Variants in AMN1 observed in about 807,000 individuals in gnomAD.
AMN1 encodes antagonist of mitotic exit network 1 homolog.
Under a neutral mutation model 33.0 loss-of-function variants are expected in AMN1, and 20 were observed. That is an observed-to-expected ratio of 0.61 (90% CI 0.43 to 0.88). The LOEUF is 0.88. AMN1 is among the 40% of genes least tolerant of loss of function. AMN1 has a pLI of 0.00. For synonymous variants in AMN1, 114 were observed against 111.9 expected, an observed-to-expected ratio of 1.02 and a Z score of -0.12; for missense variants, 246 against 307.4, an observed-to-expected ratio of 0.80 and a Z score of 1.49.
At chr12:31,723,033 C>T (rs1403873423) in intron 1 of AMN1, among the ~76,000 whole-genome samples, 2 of 152,106 alleles carry the variant, frequency 1.3e-5, no homozygotes, top group Non-Finnish European at 2.9e-5. Context: ...TAGTGCATGC[C>T]TGTAATCCCA....
chr12:31,718,268 C>T (rs1363319181), intron 1 of AMN1, among the ~76,000 whole-genome samples: 1 of 151,926 alleles, frequency 6.6e-6, no homozygotes, highest in African/African-American at 2.4e-5. Context: ...TCCATCAGGT[C>T]ATTTATGTTC....
rs1938942336 is a variant in AMN1 at position 31,700,427 on chromosome 12, G to A, written c.316+1436C>T. On this transcript the variant is annotated intron_variant, in intron 3 of 6. Transcript: ENST00000281471. ...ATTGAAAAAAAGAGGTCTATAGAGA[G>A]GAAAAAAGGTAAAGATTCACTAACT... 2.0e-5 allele frequency among the ~76,000 whole-genome samples: 3 copies of A among 151,976 alleles called. No homozygotes were observed. In the South Asian group the frequency reaches 6.2e-4, roughly 32 times the overall value.
chr12:31,710,219 G>C (rs1320331032), intron 1 of AMN1, among the ~76,000 whole-genome samples: 1 of 152,080 alleles, frequency 6.6e-6, no homozygotes, highest in Non-Finnish European at 1.5e-5. Flanking sequence ...GGGTTGTATA[G>C]GCAGAAAGTA....
At chr12:31,702,108 A>T (rs1412281231) in intron 2 of AMN1, 101 bp from the exon 3 acceptor site, 4 of 1,074,546 alleles carry the variant, frequency 3.7e-6, no homozygotes, top group South Asian at 3.1e-5. Context: ...CAAGTGGCTG[A>T]TGTAAAATAC....
In AMN1 at chr12:31,688,892, A is replaced by C. The variant is rs1592153535; in HGVS notation, c.703+115T>G. ...AGTCTATGAGGTAGGTACTCTCATT[A>C]TGCCTGTTTTACAGATGAGGAAACT... On this transcript the variant is annotated intron_variant, in intron 6 of 6. Coordinates refer to ENST00000281471, the MANE Select transcript of AMN1 (RefSeq NM_001113402.2). 5.2e-6 allele frequency: 3 copies of C among 573,494 alleles called. No homozygotes were observed. In the East Asian group the frequency reaches 9.2e-5, roughly 18 times the overall value. 35.5% of individuals were successfully genotyped at this position (573,494 alleles called of 1,614,324 possible). A position where few individuals can be genotyped will look rare whatever the true frequency, so the allele number is the denominator to read the frequency against.
intron 4 of AMN1, 38 bp downstream of exon 4, chr12:31,697,700 AAC>A: frequency 6.4e-7 from 1 of 1,572,192 alleles, no homozygotes; most frequent in Non-Finnish European, 8.8e-7. Flanking sequence ...ACATTTGGTA[AAC>A]ACATAGTCTA....
chr12:31,720,441 G>A (rs1293129890), intron 1 of AMN1, among the ~76,000 whole-genome samples: 10 of 152,048 alleles, frequency 6.6e-5, no homozygotes, highest in African/African-American at 2.2e-4. Context: ...TTGGGAGGCT[G>A]AGGCAGGAAA....
chr12:31,727,651 TCTC>T (rs1419221055), intron 1 of AMN1, among the ~76,000 whole-genome samples: 5 of 152,224 alleles, frequency 3.3e-5, no homozygotes, highest in Non-Finnish European at 5.9e-5. Context: ...GACAAAGCTT[TCTC>T]CTATTCTTTT....
chr12:31,678,321 A>G (rs1937830631), intron 6 of AMN1, among the ~76,000 whole-genome samples: 1 of 152,158 alleles, frequency 6.6e-6, no homozygotes, highest in African/African-American at 2.4e-5. Context: ...ATAGATGGAG[A>G]GCATTTTTTG....
intron 1 of AMN1, among the ~76,000 whole-genome samples, chr12:31,720,237 T>C (rs1939831351): frequency 6.6e-6 from 1 of 152,188 alleles, no homozygotes; most frequent in Non-Finnish European, 1.5e-5. Flanking sequence ...AGAAAACTTA[T>C]CTCTATTAAG....
rs551359055 is a variant in AMN1 at position 31,714,942 on chromosome 12, C to A, written c.39-5517G>T. On this transcript the variant is annotated intron_variant, in intron 1 of 6. Transcript: ENST00000281471. Reference sequence around the variant, plus strand: ...GTGCAATTTTATTAACCATTCAAGTCCAGTAGCATCTGGTAAAATTAGGAC... The same window carrying A: ...GTGCAATTTTATTAACCATTCAAGTACAGTAGCATCTGGTAAAATTAGGAC... The A allele has an allele frequency of 1.2e-5, 12 of 980,618 alleles. No individual in the cohort carries two copies. The African/African-American group carries it at 1.9e-4, about 16-fold the overall frequency. The allele number at this position is 980,618 out of a possible 1,614,324, so 60.7% of individuals were successfully genotyped here. A position where few individuals can be genotyped will look rare whatever the true frequency, so the allele number is the denominator to read the frequency against.
intron 1 of AMN1, among the ~76,000 whole-genome samples, chr12:31,725,880 G>T (rs1940043030): frequency 1.3e-5 from 2 of 151,954 alleles, no homozygotes; most frequent in African/African-American, 4.8e-5. Context: ...TGTATTTTTG[G>T]TAGAGACAGG....
chr12:31,685,426 T>G (rs1378541668), intron 6 of AMN1, among the ~76,000 whole-genome samples: 1 of 152,230 alleles, frequency 6.6e-6, no homozygotes. Flanking sequence ...CCTCCAAAGC[T>G]GTCCATTGAA....
chr12:31,699,745 A>G (rs774225627), intron 3 of AMN1, among the ~76,000 whole-genome samples: 1 of 152,184 alleles, frequency 6.6e-6, no homozygotes, highest in Non-Finnish European at 1.5e-5. Context: ...TTGGTCAGTC[A>G]TATGTACCAG....
intron 2 of AMN1, among the ~76,000 whole-genome samples, chr12:31,706,102 G>A (rs756702899): frequency 2.6e-5 from 4 of 151,980 alleles, no homozygotes; most frequent in African/African-American, 4.8e-5. Context: ...CACAAGGTCA[G>A]GAGATCGAGA....
Position 31,685,708 on chromosome 12 carries a change from G to T in AMN1, c.703+3299C>A, listed in dbSNP as rs184987905. On this transcript the variant is annotated intron_variant, in intron 6 of 6. Coordinates refer to ENST00000281471, the MANE Select transcript of AMN1 (RefSeq NM_001113402.2). ...CCCAGCTACTTGGGAGGCTGAGGCA[G>T]GAGAATCACTTGAACCTGGGAGGCG... 2.0e-5 allele frequency among the ~76,000 whole-genome samples: 3 copies of T among 150,546 alleles called. No homozygotes were observed. In the Admixed American group the frequency reaches 2.0e-4, roughly 10 times the overall value.
chr12:31,692,218 A>G (rs945571755), intron 5 of AMN1, among the ~76,000 whole-genome samples: 1 of 151,894 alleles, frequency 6.6e-6, no homozygotes, highest in African/African-American at 2.4e-5. Flanking sequence ...GCACTTTGGG[A>G]GGCCAAGGCG....
At chr12:31,716,673 T>A (rs1417291835) in intron 1 of AMN1, among the ~76,000 whole-genome samples, 1 of 152,232 alleles carries the variant, frequency 6.6e-6, no homozygotes, top group African/African-American at 2.4e-5. Flanking sequence ...TTTTGCCCTC[T>A]TTCATTTTGG....
In AMN1 at chr12:31,683,577, A is replaced by G. The variant is rs188010987; in HGVS notation, c.703+5430T>C. On this transcript the variant is annotated intron_variant, in intron 6 of 6. Transcript: ENST00000281471. The surrounding 1 kb of genome is among the most constrained non-coding windows in gnomAD (Gnocchi z 4.1). ...AAGTCTTTCCTGTGCTGTTCTTATG[A>G]TAGTAAATAAGTCTCATGAGATCTG... Among the ~76,000 whole-genome samples, 874 of 151,540 alleles carry G rather than the reference A, an allele frequency of 5.8e-3. 6 individuals carry two copies. Among genetic ancestry groups the G allele is most frequent in the Admixed American group, 9.8e-3 (148 of 15,098 alleles).
Sources: allele counts gnomAD v4.1 joint callset (sites outside exome capture counted in the v4.1 genomes callset), GRCh38; gene constraint gnomAD v4.1.1; non-coding constraint Gnocchi (gnomAD v3.1); transcripts MANE v1.5; gene names NCBI Gene and HGNC (gene_info 2026-07-23, HGNC 2026-07-21).